The following MYT1L variants were observed in gnomAD, a reference collection of about 807,000 sequenced individuals.
MYT1L encodes the protein myelin transcription factor 1-like protein.
Under a neutral mutation model 126.7 loss-of-function variants are expected in MYT1L, and 12 were observed. The observed-to-expected ratio is 0.09, with a 90% confidence interval of 0.06 to 0.15. The LOEUF is 0.15. Among genes scored for constraint, MYT1L ranks in the 10% least tolerant of loss-of-function variants. The probability of loss-of-function intolerance (pLI) is 1.00; values close to 1 mark genes in which losing one functional copy is unlikely to be tolerated. For synonymous variants in MYT1L, 541 were observed against 604.2 expected (o/e 0.90, Z 1.53); for missense variants, 979 against 1,585.2 (o/e 0.62, Z 6.49).
chr2:2,091,868 T>C (rs1403004249), intron 3 of MYT1L, among the ~76,000 whole-genome samples: 1 of 152,186 alleles, frequency 6.6e-6, no homozygotes, highest in African/African-American at 2.4e-5. Context: ...GCTTCAAACT[T>C]TTCTTCTGCA....
chr2:2,031,621 T>G lies in MYT1L; in HGVS notation c.-158+22357A>C, dbSNP rs572416180. Among the ~76,000 whole-genome samples the G allele has an allele frequency of 5.7e-5, 8 of 140,120 alleles. No homozygotes were observed. The South Asian group carries it at 1.9e-3, about 33-fold the overall frequency. The allele number at this position is 140,120 out of a possible 152,430, so 91.9% of individuals were successfully genotyped here. On this transcript the variant is annotated intron_variant, in intron 4 of 24. Coordinates refer to ENST00000647738, the MANE Select transcript of MYT1L (RefSeq NM_001303052.2). ...CTCTCATCCTGTGGCCCAGAGCAGA[T>G]TCTAGAAGGAGGGCCTTACACACAC... is the stretch of plus-strand genomic sequence containing the variant.
intron 3 of MYT1L, among the ~76,000 whole-genome samples, chr2:2,061,306 C>T (rs76884396): frequency 0.019 from 2,843 of 152,236 alleles, 83 homozygotes; most frequent in African/African-American, 0.065. Context: ...AGCCGAGTCA[C>T]GGGGTTGCCA....
At chr2:1,908,100 G>A (rs186628436) in intron 13 of MYT1L, among the ~76,000 whole-genome samples, 10 of 152,358 alleles carry the variant, frequency 6.6e-5, no homozygotes, top group African/African-American at 1.9e-4. Context: ...AGAGGAGAAC[G>A]GCTGCAGCTG....
chr2:1,984,474 G>C (rs2149518441), intron 5 of MYT1L, among the ~76,000 whole-genome samples: 1 of 151,234 alleles, frequency 6.6e-6, no homozygotes, highest in African/African-American at 2.4e-5. Flanking sequence ...TGGGATCCCT[G>C]GTGTGAGCCA....
At chr2:2,066,959 C>A (rs1273617620) in intron 3 of MYT1L, among the ~76,000 whole-genome samples, 1 of 152,140 alleles carries the variant, frequency 6.6e-6, no homozygotes, top group Non-Finnish European at 1.5e-5. Flanking sequence ...TTAAAGGAGG[C>A]CTGAATCAAC....
At chr2:1,891,645 G>T (rs964217289) in intron 15 of MYT1L, among the ~76,000 whole-genome samples, 1 of 152,158 alleles carries the variant, frequency 6.6e-6, no homozygotes, top group Non-Finnish European at 1.5e-5. Context: ...CGTGACAATG[G>T]TGCTAGCAGA....
intron 21 of MYT1L, among the ~76,000 whole-genome samples, chr2:1,837,398 G>A (rs1160704868): frequency 6.6e-6 from 1 of 152,176 alleles, no homozygotes; most frequent in East Asian, 1.9e-4. Flanking sequence ...CAAATGGGCA[G>A]GGTTTTTACA....
intron 3 of MYT1L, among the ~76,000 whole-genome samples, chr2:2,068,766 C>CTTTTTTT (rs1370285207): frequency 3.4e-4 from 2 of 5,866 alleles, no homozygotes; most frequent in Non-Finnish European, 7.3e-4. Flanking sequence ...CTGTGTTCTT[C>CTTTTTTT]TTGTTTTTTT....
intron 21 of MYT1L, among the ~76,000 whole-genome samples, chr2:1,818,426 A>G (rs1177639141): frequency 6.6e-6 from 1 of 152,208 alleles, no homozygotes; most frequent in Non-Finnish European, 1.5e-5. Flanking sequence ...TATTTATTTT[A>G]CTATTCCCTA....
chr2:1,895,211 A>G (rs1397294925), intron 14 of MYT1L, among the ~76,000 whole-genome samples: 1 of 152,244 alleles, frequency 6.6e-6, no homozygotes, highest in African/African-American at 2.4e-5. Flanking sequence ...CAGAGACGAC[A>G]CAAATAAATG....
At chr2:2,062,133 T>C (rs2070608369) in intron 3 of MYT1L, among the ~76,000 whole-genome samples, 1 of 152,226 alleles carries the variant, frequency 6.6e-6, no homozygotes, top group South Asian at 2.1e-4. Context: ...CCCAGCATGG[T>C]TGTACTGGGC....
At chr2:2,008,012 T>G (rs551578778) in intron 4 of MYT1L, among the ~76,000 whole-genome samples, 4 of 152,224 alleles carry the variant, frequency 2.6e-5, no homozygotes, top group African/African-American at 9.6e-5. Flanking sequence ...AGCATCTCTA[T>G]AGTAGAACCT....
chr2:2,009,457 T>C (rs545126695), intron 4 of MYT1L, among the ~76,000 whole-genome samples: 1 of 152,240 alleles, frequency 6.6e-6, no homozygotes, highest in Admixed American at 6.5e-5. Context: ...TCTTTTTTGA[T>C]GCTATCATAA....
chr2:1,835,535 G>A (rs1429677182), intron 21 of MYT1L, among the ~76,000 whole-genome samples: 1 of 152,120 alleles, frequency 6.6e-6, no homozygotes, highest in Non-Finnish European at 1.5e-5. Flanking sequence ...TGGGTGAGAT[G>A]GTAAATTCCA....
intron 1 of MYT1L, among the ~76,000 whole-genome samples, chr2:2,293,088 C>A (rs528144664): frequency 1.3e-5 from 2 of 152,300 alleles, no homozygotes; most frequent in Admixed American, 1.3e-4. Flanking sequence ...AAGACAGCCA[C>A]CCTGGAGGCA....
chr2:2,293,437 C>T (rs1559575777), intron 1 of MYT1L, among the ~76,000 whole-genome samples: 1 of 152,180 alleles, frequency 6.6e-6, no homozygotes, highest in Non-Finnish European at 1.5e-5. Flanking sequence ...GGACAGAGCG[C>T]CCTTGGTTAG....
intron 4 of MYT1L, among the ~76,000 whole-genome samples, chr2:2,014,244 T>C (rs745984740): frequency 2.6e-5 from 4 of 151,532 alleles, no homozygotes; most frequent in Non-Finnish European, 4.4e-5. Flanking sequence ...ACTGCCTCTA[T>C]CTAGTGGCAA....
intron 21 of MYT1L, among the ~76,000 whole-genome samples, chr2:1,831,252 T>TCTGCTCCGAGGA (rs2040150959): frequency 6.6e-6 from 1 of 152,070 alleles, no homozygotes; most frequent in African/African-American, 2.4e-5. Context: ...GACCCCCAGC[T>TCTGCTCCGAGGA]CCCCAGTGCA....
At chr2:2,029,257 A>G (rs920977071) in intron 4 of MYT1L, among the ~76,000 whole-genome samples, 1 of 152,164 alleles carries the variant, frequency 6.6e-6, no homozygotes. Context: ...GCCTGTGTGT[A>G]TTCATCCATT....
Sources: allele counts gnomAD v4.1 joint callset (sites outside exome capture counted in the v4.1 genomes callset), GRCh38; gene constraint gnomAD v4.1.1; transcripts MANE v1.5; gene names NCBI Gene and HGNC (gene_info 2026-07-23, HGNC 2026-07-21).